NLGN1: variants seen among roughly 807,000 people sequenced by gnomAD.
The protein encoded by NLGN1 is neuroligin 1.
NLGN1 carries 12 observed loss-of-function variants against 65.5 expected under a neutral mutation model. That is an observed-to-expected ratio of 0.18 (90% confidence interval 0.12 to 0.30). The LOEUF (loss-of-function observed/expected upper bound fraction) is 0.30, where lower values mean the gene tolerates loss of function less well. Among genes scored for constraint, NLGN1 ranks in the 10% least tolerant of loss-of-function variants. The pLI is 1.00. For missense variants in NLGN1, 750 were observed against 1,007.1 expected (o/e 0.74, Z 3.46); for synonymous variants, 350 against 359.5 (o/e 0.97, Z 0.30).
chr3:173,624,912 A>G (rs1288315053), intron 3 of NLGN1, among the ~76,000 whole-genome samples: 2 of 151,406 alleles, frequency 1.3e-5, no homozygotes, highest in African/African-American at 4.9e-5. Flanking sequence ...GATAGTTCCT[A>G]AAAGACTTGG....
intron 4 of NLGN1, among the ~76,000 whole-genome samples, chr3:173,831,280 A>G (rs890451201): frequency 6.6e-6 from 1 of 152,238 alleles, no homozygotes; most frequent in Admixed American, 6.5e-5. Context: ...CTACCTGCAC[A>G]TACATTTGAA....
Position 174,096,214 on chromosome 3 carries a change from T to G in NLGN1, c.647-179101T>G, listed in dbSNP as rs1576848097. Among the ~76,000 whole-genome samples the G allele has an allele frequency of 3.3e-5, 5 of 149,604 alleles. No individual in the cohort carries two copies. In the South Asian group the frequency reaches 1.0e-3, roughly 31 times the overall value. On this transcript the variant is annotated intron_variant, in intron 4 of 6. Transcript: ENST00000457714. ...ATAATACATATGTAATATATATGTGTATATGTATATATGCATATAATATAC... is the reference window on the plus strand; with the variant it reads ...ATAATACATATGTAATATATATGTGGATATGTATATATGCATATAATATAC...
At chr3:174,073,818 C>T (rs2152538311) in intron 4 of NLGN1, among the ~76,000 whole-genome samples, 1 of 152,242 alleles carries the variant, frequency 6.6e-6, no homozygotes, top group Middle Eastern at 3.4e-3. Context: ...CTTACAAATA[C>T]AAAATGACAG....
At chr3:174,148,497 T>G (rs1256215544) in intron 4 of NLGN1, among the ~76,000 whole-genome samples, 1 of 152,182 alleles carries the variant, frequency 6.6e-6, no homozygotes, top group East Asian at 1.9e-4. Context: ...TTTTTTCTCT[T>G]TCCTACTCTC....
At chr3:173,980,527 GT>G (rs1718545633) in intron 4 of NLGN1, among the ~76,000 whole-genome samples, 1 of 151,864 alleles carries the variant, frequency 6.6e-6, no homozygotes, top group Non-Finnish European at 1.5e-5. Context: ...CATTATAATA[GT>G]TTAACGAACA....
At chr3:174,136,450 C>T (rs147966808) in intron 4 of NLGN1, 1 of 152,172 alleles carries the variant, frequency 6.6e-6, no homozygotes. Flanking sequence ...AGAAAATTGA[C>T]ACTTACTGGG....
At chr3:174,042,997 T>TA (rs960678771) in intron 4 of NLGN1, among the ~76,000 whole-genome samples, 1 of 152,148 alleles carries the variant, frequency 6.6e-6, no homozygotes, top group African/African-American at 2.4e-5. Flanking sequence ...TCAGGAAACT[T>TA]ACAATCATGG....
chr3:174,031,072 A>C (rs1470626559), intron 4 of NLGN1, among the ~76,000 whole-genome samples: 1 of 152,194 alleles, frequency 6.6e-6, no homozygotes, highest in Non-Finnish European at 1.5e-5. Flanking sequence ...TTTTGCTTTC[A>C]GTGCCCAATA....
At chr3:173,659,599 T>G (rs1276123697) in intron 3 of NLGN1, among the ~76,000 whole-genome samples, 1 of 151,922 alleles carries the variant, frequency 6.6e-6, no homozygotes. Context: ...GAGTCTTCTT[T>G]GCCAGCTAAC....
chr3:173,453,369 A>G (rs1721963300), intron 2 of NLGN1, among the ~76,000 whole-genome samples: 1 of 150,416 alleles, frequency 6.6e-6, no homozygotes, highest in Admixed American at 6.6e-5. Context: ...AAGTGCTGGG[A>G]TTGGGATTGG....
At chr3:173,992,789 T>C (rs1170995885) in intron 4 of NLGN1, among the ~76,000 whole-genome samples, 1 of 152,204 alleles carries the variant, frequency 6.6e-6, no homozygotes, top group East Asian at 1.9e-4. Context: ...AGTCTGTTCA[T>C]TGTATGAACC....
intron 4 of NLGN1, among the ~76,000 whole-genome samples, chr3:174,047,278 AAAGAC>A (rs1362595616): frequency 1.3e-5 from 2 of 152,038 alleles, no homozygotes; most frequent in Non-Finnish European, 2.9e-5. Context: ...AAGTTAGTGA[AAAGAC>A]AAGATTCCAC....
chr3:174,042,693 T>C (rs889208532), intron 4 of NLGN1, among the ~76,000 whole-genome samples: 1 of 152,222 alleles, frequency 6.6e-6, no homozygotes, highest in African/African-American at 2.4e-5. Flanking sequence ...ATTTCATTTG[T>C]AAACTCTATT....
intron 2 of NLGN1, among the ~76,000 whole-genome samples, chr3:173,455,100 T>TA (rs1050288812): frequency 2.0e-5 from 3 of 152,196 alleles, no homozygotes; most frequent in Non-Finnish European, 4.4e-5. Flanking sequence ...CCAAAACAAT[T>TA]ACAAAAGTAA....
In NLGN1 at chr3:173,815,865, A is replaced by G. The variant is rs538202298; in HGVS notation, c.646+8033A>G. ...GTTTAATGAATATCTTAAACTTAAC[A>G]TGGCTGAAATATGTTGAATTTCTCA... On this transcript the variant is annotated intron_variant, in intron 4 of 6. Transcript: ENST00000457714. Among the ~76,000 whole-genome samples, 10 of 152,190 alleles carry G rather than the reference A, an allele frequency of 6.6e-5. No individual in the cohort carries two copies. In the South Asian group the frequency reaches 2.1e-3, roughly 32 times the overall value.
intron 3 of NLGN1, among the ~76,000 whole-genome samples, chr3:173,715,475 A>G (rs188914040): frequency 6.6e-6 from 1 of 152,162 alleles, no homozygotes; most frequent in Non-Finnish European, 1.5e-5. Context: ...TCTCTTATTA[A>G]GAGCTTTAAT....
intron 4 of NLGN1, 113 bp from the exon 5 acceptor site, chr3:174,275,202 A>T: frequency 1.4e-6 from 1 of 716,636 alleles, no homozygotes; most frequent in Non-Finnish European, 2.3e-6. Flanking sequence ...ATTTTTACTA[A>T]TGAACTTGGA....
intron 3 of NLGN1, among the ~76,000 whole-genome samples, chr3:173,663,891 T>A (rs185667030): frequency 6.6e-6 from 1 of 151,944 alleles, no homozygotes; most frequent in Non-Finnish European, 1.5e-5. Flanking sequence ...GAGCAGTCTT[T>A]TTCCCAAAGG....
chr3:174,221,513 AT>A (rs1395002767), intron 4 of NLGN1, among the ~76,000 whole-genome samples: 1 of 152,128 alleles, frequency 6.6e-6, no homozygotes, highest in Non-Finnish European at 1.5e-5. Context: ...TTACCAGATG[AT>A]CTTGAGCACT....
Sources: gnomAD v4.1 joint callset for allele counts (sites outside exome capture counted in the v4.1 genomes callset) on GRCh38, gnomAD v4.1.1 for gene constraint, MANE v1.5 for transcripts, NCBI Gene and HGNC (gene_info 2026-07-23, HGNC 2026-07-21) for gene names.